Variants in ATG7 observed in about 807,000 individuals in gnomAD.
ATG7 encodes the protein autophagy related 7, also known as ubiquitin-like modifier-activating enzyme ATG7.
Under a neutral mutation model 82.4 loss-of-function variants are expected in ATG7, and 70 were observed. The observed-to-expected ratio is 0.85, with a 90% CI of 0.70 to 1.04. The LOEUF (loss-of-function observed/expected upper bound fraction) is 1.04. ATG7 is among the 50% of genes least tolerant of loss of function. The pLI is 0.00. For synonymous variants in ATG7, 287 were observed against 313.0 expected (o/e 0.92, Z 0.88); for missense variants, 792 against 864.3 (o/e 0.92, Z 1.05).
In ATG7 at chr3:11,414,631, G is replaced by A. The variant is rs1294281468; in HGVS notation, c.1957-12173G>A. ...TTTCTTGCCTTGTTCCTGTTTTCTT[G>A]CCTTCTTGCCTTCATGGAGAAACTT... On this transcript the variant is annotated intron_variant, in intron 19 of 20. Coordinates refer to ENST00000693202, the MANE Select transcript of ATG7 (RefSeq NM_001349232.2). 3.9e-5 allele frequency among the ~76,000 whole-genome samples: 6 copies of A among 152,132 alleles called. No homozygotes were observed. In the East Asian group the frequency reaches 1.2e-3, roughly 29 times the overall value.
chr3:11,297,454 C>T (rs777443292), intron 3 of ATG7, among the ~76,000 whole-genome samples: 4 of 152,078 alleles, frequency 2.6e-5, no homozygotes, highest in Non-Finnish European at 4.4e-5. Flanking sequence ...GTGAAGGGAC[C>T]TTATCAATTT....
intron 19 of ATG7, among the ~76,000 whole-genome samples, chr3:11,395,961 AAAAAG>A (rs1465670371): frequency 8.2e-6 from 1 of 122,524 alleles, no homozygotes; most frequent in African/African-American, 3.2e-5. Context: ...AAAAAAAAAA[AAAAAG>A]GTAGGGGGGG....
chr3:11,540,960 T>G (rs373791644), intron 20 of ATG7, among the ~76,000 whole-genome samples: 1 of 145,738 alleles, frequency 6.9e-6, no homozygotes, highest in Non-Finnish European at 1.5e-5. Context: ...AGTGCAGTGG[T>G]GCAATCTTGG....
At chr3:11,518,331 G>T (rs2092341078) in intron 20 of ATG7, among the ~76,000 whole-genome samples, 1 of 152,194 alleles carries the variant, frequency 6.6e-6, no homozygotes, top group Non-Finnish European at 1.5e-5. Context: ...TGGATCACAA[G>T]GTCAAAGAGA....
intron 20 of ATG7, among the ~76,000 whole-genome samples, chr3:11,434,310 C>T (rs896536425): frequency 2.6e-5 from 4 of 152,236 alleles, no homozygotes; most frequent in African/African-American, 7.2e-5. Flanking sequence ...GGGAAACCCC[C>T]GTGTCAGCAC....
chr3:11,495,255 T>G (rs1419344535), intron 20 of ATG7, among the ~76,000 whole-genome samples: 1 of 152,028 alleles, frequency 6.6e-6, no homozygotes, highest in East Asian at 1.9e-4. Flanking sequence ...TGGACAGAAT[T>G]AAGGATCATG....
At chr3:11,404,607 G>T (rs2080158377) in intron 19 of ATG7, among the ~76,000 whole-genome samples, 1 of 151,948 alleles carries the variant, frequency 6.6e-6, no homozygotes, top group Non-Finnish European at 1.5e-5. Context: ...CCTTGTGCCT[G>T]TGCCATGTTG....
intron 9 of ATG7, among the ~76,000 whole-genome samples, chr3:11,325,860 A>G (rs1950808809): frequency 6.6e-6 from 1 of 152,308 alleles, no homozygotes; most frequent in South Asian, 2.1e-4. Flanking sequence ...GATACTGCCT[A>G]GGTTCTTCCT....
chr3:11,470,916 A>G lies in ATG7; in HGVS notation c.2079+43990A>G, dbSNP rs534011931. 1.1e-4 allele frequency among the ~76,000 whole-genome samples: 16 copies of G among 152,316 alleles called. No homozygotes were observed. The South Asian group carries it at 3.1e-3, about 30-fold the overall frequency. On this transcript the variant is annotated intron_variant, in intron 20 of 20. Transcript: ENST00000693202. ...AGTCTTTCTCCTTTGAGGTGCAGATAGTCCCCTTCTCCAGAATTATTCTCC... is the reference window on the plus strand; with the variant it reads ...AGTCTTTCTCCTTTGAGGTGCAGATGGTCCCCTTCTCCAGAATTATTCTCC...
chr3:11,312,941 A>G (rs899147448), intron 7 of ATG7, among the ~76,000 whole-genome samples: 1 of 152,156 alleles, frequency 6.6e-6, no homozygotes, highest in African/African-American at 2.4e-5. Flanking sequence ...CCTTTGTAAG[A>G]TTCAGTTTTC....
At chr3:11,550,138 C>T (rs769140706) in intron 20 of ATG7, among the ~76,000 whole-genome samples, 12 of 151,908 alleles carry the variant, frequency 7.9e-5, no homozygotes, top group Non-Finnish European at 1.5e-4. Flanking sequence ...GAGATATTTT[C>T]TCCTAGTCTG....
intron 19 of ATG7, among the ~76,000 whole-genome samples, chr3:11,401,900 A>G (rs1025896224): frequency 6.6e-6 from 1 of 152,216 alleles, no homozygotes; most frequent in African/African-American, 2.4e-5. Flanking sequence ...TGTTACAGTA[A>G]GAAATGCATG....
intron 19 of ATG7, among the ~76,000 whole-genome samples, chr3:11,423,054 T>C (rs1220810168): frequency 6.6e-6 from 1 of 152,156 alleles, no homozygotes; most frequent in Admixed American, 6.5e-5. Context: ...CCACCGGGCT[T>C]GGCCTATTTC....
At chr3:11,389,994 AT>A (rs2078660803) in intron 19 of ATG7, among the ~76,000 whole-genome samples, 1 of 152,180 alleles carries the variant, frequency 6.6e-6, no homozygotes, top group South Asian at 2.1e-4. Context: ...TCCTTTCTTT[AT>A]ATGTCAGCTC....
rs149076034 is a variant in ATG7, at chr3:11,451,638, G to A, written c.2079+24712G>A. ...GAGTGTGGCTGTTGTGTCCATGAGA[G>A]AACTCCTGGGAGTTCTACACTCAGC... On this transcript the variant is annotated intron_variant, in intron 20 of 20. Transcript: ENST00000693202. Among the ~76,000 whole-genome samples, 87 of 152,204 alleles carry A rather than the reference G, an allele frequency of 5.7e-4. 2 individuals are homozygous for A. The highest frequency in any genetic ancestry group is 1.8e-4 in the Non-Finnish European group (12 of 68,020).
intron 20 of ATG7, chr3:11,477,202 A>C: frequency 1.6e-6 from 2 of 1,288,742 alleles, no homozygotes; most frequent in Non-Finnish European, 2.0e-6. Context: ...CGGAAGAATC[A>C]AGCACTTCTG....
chr3:11,542,764 C>T (rs1043935372), intron 20 of ATG7, among the ~76,000 whole-genome samples: 1 of 152,140 alleles, frequency 6.6e-6, no homozygotes, highest in Non-Finnish European at 1.5e-5. Flanking sequence ...TCTCTGTTTC[C>T]AGCCTGGGCT....
intron 19 of ATG7, among the ~76,000 whole-genome samples, chr3:11,424,596 T>C (rs1207953358): frequency 2.8e-5 from 3 of 107,184 alleles, no homozygotes; most frequent in African/African-American, 8.5e-5. Context: ...AATTTTAATT[T>C]TAATAAATAT....
chr3:11,550,667 G>C (rs2071689332), intron 20 of ATG7, among the ~76,000 whole-genome samples: 1 of 152,046 alleles, frequency 6.6e-6, no homozygotes, highest in African/African-American at 2.4e-5. Flanking sequence ...CAAAGTGCTG[G>C]GATTATAGGC....
Sources: gnomAD v4.1 joint callset for allele counts (sites outside exome capture counted in the v4.1 genomes callset) on GRCh38, gnomAD v4.1.1 for gene constraint, MANE v1.5 for transcripts, NCBI Gene and HGNC (gene_info 2026-07-23, HGNC 2026-07-21) for gene names.